The following JAKMIP1 variants were observed in gnomAD, a reference collection of about 807,000 sequenced individuals.
The protein encoded by JAKMIP1 is janus kinase and microtubule interacting protein 1.
In JAKMIP1, 33 loss-of-function variants were observed where a neutral mutation model predicts 113.0. The observed-to-expected ratio is 0.29, with a 90% CI of 0.22 to 0.39. The LOEUF (loss-of-function observed/expected upper bound fraction) is 0.39. Ranked by LOEUF, JAKMIP1 falls within the 10% of genes least tolerant of loss-of-function variation. JAKMIP1 has a pLI of 1.00. For synonymous variants in JAKMIP1, 480 were observed against 459.9 expected, an observed-to-expected ratio of 1.04 and a Z score of -0.56; for missense variants, 813 against 1,080.5, an observed-to-expected ratio of 0.75 and a Z score of 3.47.
At position 6,193,645 on chromosome 4, in the gene JAKMIP1, C is replaced by G. The variant is rs893460096; in HGVS notation, c.-148+6608G>C. Among the ~76,000 whole-genome samples the G allele has an allele frequency of 6.6e-6, 1 of 152,210 alleles. No individual in the cohort carries two copies. The highest frequency in any genetic ancestry group is 1.5e-5 in the Non-Finnish European group (1 of 68,040). Reference sequence around the variant, plus strand: ...GGCTCCCGCATCGTCCCTCCTGCCTCGGGGTGCTCCCATGCTCTTGCTTGG... The same window carrying G: ...GGCTCCCGCATCGTCCCTCCTGCCTGGGGGTGCTCCCATGCTCTTGCTTGG... On this transcript the variant is annotated intron_variant, in intron 1 of 20. Transcript: ENST00000409021. This position sits in a 1 kb window ranked among gnomAD's most constrained non-coding sequence, Gnocchi z 6.4.
intron 1 of JAKMIP1, among the ~76,000 whole-genome samples, chr4:6,127,627 T>G (rs909988928): frequency 1.3e-5 from 2 of 152,066 alleles, no homozygotes; most frequent in Non-Finnish European, 2.9e-5. Flanking sequence ...AGAGAAACAA[T>G]GTGAAGGAAC....
At position 6,031,491 on chromosome 4, in the gene JAKMIP1, G is replaced by A. The variant is rs34703972; in HGVS notation, c.2380-1710C>T. Among the ~76,000 whole-genome samples, 14,293 of 152,144 alleles carry A rather than the reference G, an allele frequency of 0.094. 783 individuals are homozygous for A. The highest frequency in any genetic ancestry group is 0.14 in the African/African-American group (5,855 of 41,486). ...CTGGAGGAGACGTGGAACCCAGCAG[G>A]GTTAGTTCACCAGATGCACAAGAGG... On this transcript the variant is annotated intron_variant, in intron 19 of 20. Coordinates refer to ENST00000409021, the MANE Select transcript of JAKMIP1 (RefSeq NM_001099433.2). The surrounding 1 kb of genome is among the most constrained non-coding windows in gnomAD (Gnocchi z 4.4).
chr4:6,083,224 G>A (rs1204303211), intron 5 of JAKMIP1, among the ~76,000 whole-genome samples: 4 of 151,916 alleles, frequency 2.6e-5, no homozygotes, highest in Non-Finnish European at 4.4e-5. Context: ...CCAACATGGT[G>A]AAACCCCATC....
intron 18 of JAKMIP1, 118 bp from the exon 19 acceptor site, chr4:6,036,225 A>T (rs1395796005): frequency 3.8e-6 from 3 of 779,590 alleles, no homozygotes; most frequent in Non-Finnish European, 6.2e-6. Flanking sequence ...AGGGAGGGGC[A>T]ACTGGCAGGG....
intron 1 of JAKMIP1, among the ~76,000 whole-genome samples, chr4:6,175,250 G>C (rs747920250): frequency 2.6e-5 from 4 of 152,158 alleles, no homozygotes; most frequent in Non-Finnish European, 5.9e-5. Context: ...CAAAGTCACA[G>C]AACTCCCATG....
chr4:6,064,972 C>T lies in JAKMIP1; in HGVS notation c.1339G>A (p.Glu447Lys). The change falls in exon 9 of 21, where the codon GAG (glutamate) becomes AAG (lysine). Residue 447 changes from glutamate (E) to lysine (K), a missense_variant. This residue lies in a region of JAKMIP1 where 540 missense variants were observed against 653.9 expected (regional missense o/e 0.83). Transcript: ENST00000409021. This position sits in a 1 kb window ranked among gnomAD's most constrained non-coding sequence, Gnocchi z 4.3. ...VVETFFGFDE[E>K]SVDSETLSET... ...GACAACGTTTCTGAGTCCACAGACT[C>T]CTCATCAAATCCAAAAAATGTCTCC... The T allele has an allele frequency of 6.2e-7, 1 of 1,614,156 alleles. No individual in the cohort carries two copies. The highest frequency in any genetic ancestry group is 8.5e-7 in the Non-Finnish European group (1 of 1,180,010).
intron 9 of JAKMIP1, among the ~76,000 whole-genome samples, chr4:6,063,715 A>G (rs1025695924): frequency 1.6e-4 from 25 of 152,320 alleles, no homozygotes; most frequent in African/African-American, 6.0e-4. Context: ...TCCTATGGCA[A>G]ATAGACCCAT....
At chr4:6,032,521 C>G (rs1400276673) in intron 19 of JAKMIP1, among the ~76,000 whole-genome samples, 1 of 152,162 alleles carries the variant, frequency 6.6e-6, no homozygotes, top group Non-Finnish European at 1.5e-5. Flanking sequence ...GACCTGTCCT[C>G]AAAGGACTCG....
intron 11 of JAKMIP1, among the ~76,000 whole-genome samples, chr4:6,058,354 C>G (rs539176461): frequency 6.6e-6 from 1 of 152,358 alleles, no homozygotes; most frequent in South Asian, 2.1e-4. Context: ...TGTTAAGCCC[C>G]TCCTATGTAG....
rs1426544722 is a variant in JAKMIP1 at position 6,184,779 on chromosome 4, G to C, written c.-148+15474C>G. Among the ~76,000 whole-genome samples, 1 of 152,222 alleles carries C rather than the reference G, an allele frequency of 6.6e-6. No individual in the cohort carries two copies. The highest frequency in any genetic ancestry group is 1.5e-5 in the Non-Finnish European group (1 of 68,046). ...GTCAACTCGATTGGACAGAAGGATA[G>C]AAAGTATTGTTCCTGAGTGTGTCTG... On this transcript the variant is annotated intron_variant, in intron 1 of 20. Coordinates refer to ENST00000409021, the MANE Select transcript of JAKMIP1 (RefSeq NM_001099433.2). This position sits in a 1 kb window ranked among gnomAD's most constrained non-coding sequence, Gnocchi z 4.5.
intron 2 of JAKMIP1, among the ~76,000 whole-genome samples, chr4:6,110,782 G>C (rs1334516196): frequency 1.3e-5 from 2 of 150,560 alleles, no homozygotes; most frequent in Non-Finnish European, 3.0e-5. Context: ...CAGGGGTGGT[G>C]GTGGAGAGGG....
intron 16 of JAKMIP1, among the ~76,000 whole-genome samples, chr4:6,046,302 G>A (rs957699871): frequency 2.0e-5 from 3 of 152,210 alleles, no homozygotes; most frequent in Non-Finnish European, 4.4e-5. Flanking sequence ...GGAGACGAGC[G>A]GCAACACCCA....
In JAKMIP1 at chr4:6,181,168, G is replaced by A. The variant is rs570664089; in HGVS notation, c.-148+19085C>T. Among the ~76,000 whole-genome samples the A allele has an allele frequency of 5.9e-5, 9 of 152,122 alleles. No individual in the cohort carries two copies. The highest frequency in any genetic ancestry group is 1.3e-4 in the Non-Finnish European group (9 of 68,030). ...GATATGACTAGATGCTGAACAGGGC[G>A]CTCCTTGACAGACACCTACCAAACA... On this transcript the variant is annotated intron_variant, in intron 1 of 20. Coordinates refer to ENST00000409021, the MANE Select transcript of JAKMIP1 (RefSeq NM_001099433.2). The surrounding 1 kb of genome is among the most constrained non-coding windows in gnomAD (Gnocchi z 5.4).
chr4:6,057,088 C>A (rs557357633), intron 11 of JAKMIP1, among the ~76,000 whole-genome samples: 1 of 152,194 alleles, frequency 6.6e-6, no homozygotes, highest in Non-Finnish European at 1.5e-5. Flanking sequence ...GACCTCATAC[C>A]CCGCAGACTG....
chr4:6,162,662 C>T lies in JAKMIP1; in HGVS notation c.-148+37591G>A, dbSNP rs115785845. On this transcript the variant is annotated intron_variant, in intron 1 of 20. Coordinates refer to ENST00000409021, the MANE Select transcript of JAKMIP1 (RefSeq NM_001099433.2). The surrounding 1 kb of genome is among the most constrained non-coding windows in gnomAD (Gnocchi z 5.6). ...CCATCTGTTAGCTCCTTAACTGTCA[C>T]GACAACCTGTTAAGGGCACAGCATT... Among the ~76,000 whole-genome samples, 3,142 of 152,324 alleles carry T rather than the reference C, an allele frequency of 0.021. 36 individuals are homozygous for T. Among genetic ancestry groups the T allele is most frequent in the Middle Eastern group, 0.088 (26 of 294 alleles).
At chr4:6,177,170 C>T (rs537344838) in intron 1 of JAKMIP1, among the ~76,000 whole-genome samples, 1 of 152,126 alleles carries the variant, frequency 6.6e-6, no homozygotes, top group African/African-American at 2.4e-5. Context: ...GGTAGACAAA[C>T]GTCAATCTTC....
intron 2 of JAKMIP1, among the ~76,000 whole-genome samples, chr4:6,110,216 T>C (rs1714692665): frequency 6.6e-6 from 1 of 152,164 alleles, no homozygotes; most frequent in South Asian, 2.1e-4. Flanking sequence ...GGGTGGGCCC[T>C]AATCCGATTT....
intron 9 of JAKMIP1, among the ~76,000 whole-genome samples, chr4:6,063,526 G>A (rs1717614232): frequency 6.6e-6 from 1 of 152,222 alleles, no homozygotes; most frequent in Non-Finnish European, 1.5e-5. Flanking sequence ...CGGCACTTGG[G>A]CTGAGGCTGG....
chr4:6,169,846 T>C (rs1483132801), intron 1 of JAKMIP1, among the ~76,000 whole-genome samples: 1 of 151,862 alleles, frequency 6.6e-6, no homozygotes, highest in Non-Finnish European at 1.5e-5. Flanking sequence ...CCCCATGTTG[T>C]TATGAGTAGA....
Sources: allele counts gnomAD v4.1 joint callset (sites outside exome capture counted in the v4.1 genomes callset), GRCh38; gene constraint gnomAD v4.1.1; regional missense constraint gnomAD v4.1.1; non-coding constraint Gnocchi (gnomAD v3.1); transcripts MANE v1.5; gene names NCBI Gene and HGNC (gene_info 2026-07-23, HGNC 2026-07-21).